ADARB2: variants seen among roughly 807,000 people sequenced by gnomAD.
ADARB2 encodes the protein adenosine deaminase RNA specific B2 (inactive), also known as inactive double-stranded RNA-specific editase B2.
ADARB2 carries 25 observed loss-of-function variants against 62.2 expected under a neutral mutation model. The observed-to-expected ratio is 0.40, with a 90% confidence interval of 0.29 to 0.56. ADARB2 has a LOEUF of 0.56. Among genes scored for constraint, ADARB2 ranks in the 20% least tolerant of loss-of-function variants. The pLI, the probability that ADARB2 is intolerant of heterozygous loss-of-function variation, is 0.43. For synonymous variants in ADARB2, 572 were observed against 500.8 expected, an observed-to-expected ratio of 1.14 and a Z score of -1.90; for missense variants, 1,071 against 1,077.4, an observed-to-expected ratio of 0.99 and a Z score of 0.08.
chr10:1,360,194 G>A (rs71491373), intron 3 of ADARB2, among the ~76,000 whole-genome samples: 7,389 of 152,354 alleles, frequency 0.048, 214 homozygotes, highest in South Asian at 0.11. Context: ...CATCGTCCCA[G>A]CAGGAGGCGC....
At chr10:1,212,353 G>A (rs1837165833) in intron 7 of ADARB2, among the ~76,000 whole-genome samples, 1 of 152,240 alleles carries the variant, frequency 6.6e-6, no homozygotes, top group Admixed American at 6.5e-5. Context: ...GGCAAGTGCG[G>A]CGCAATTCTG....
intron 1 of ADARB2, among the ~76,000 whole-genome samples, chr10:1,423,714 A>ATGTATGCAGTAAGATCACTG (rs1832870342): frequency 1.3e-5 from 2 of 151,892 alleles, no homozygotes; most frequent in African/African-American, 2.4e-5. Context: ...TAGGTCCACT[A>ATGTATGCAGTAAGATCACTG]TGTATGCAGT....
At chr10:1,713,808 G>A (rs536395703) in intron 1 of ADARB2, among the ~76,000 whole-genome samples, 1 of 152,304 alleles carries the variant, frequency 6.6e-6, no homozygotes, top group African/African-American at 2.4e-5. Context: ...TGTATTGCAT[G>A]TCCTCACTTC....
chr10:1,728,552 G>A (rs1835194286), intron 1 of ADARB2, among the ~76,000 whole-genome samples: 1 of 152,118 alleles, frequency 6.6e-6, no homozygotes, highest in Non-Finnish European at 1.5e-5. Context: ...ACACACAAGT[G>A]CACATGTTAA....
rs184489716 is a variant in ADARB2, at chr10:1,624,899, T to G, written c.100+112152A>C. 4.6e-5 allele frequency among the ~76,000 whole-genome samples: 7 copies of G among 152,302 alleles called. No individual in the cohort carries two copies. The East Asian group carries it at 1.3e-3, about 29-fold the overall frequency. On this transcript the variant is annotated intron_variant, in intron 1 of 9. Coordinates refer to ENST00000381312, the MANE Select transcript of ADARB2 (RefSeq NM_018702.4). ...GAATTAAAAAAAACTAAAGGTTAAATTACAGATGATGTTATGCTGCATTTA... is the reference window on the plus strand; with the variant it reads ...GAATTAAAAAAAACTAAAGGTTAAAGTACAGATGATGTTATGCTGCATTTA...
chr10:1,481,447 T>C (rs1831469311), intron 1 of ADARB2, among the ~76,000 whole-genome samples: 1 of 152,210 alleles, frequency 6.6e-6, no homozygotes, highest in Non-Finnish European at 1.5e-5. Context: ...AAGAAGTAGA[T>C]AAATTCTACT....
chr10:1,326,995 TCCC>T (rs1564258002), intron 3 of ADARB2, among the ~76,000 whole-genome samples: 1 of 30,164 alleles, frequency 3.3e-5, no homozygotes, highest in African/African-American at 1.2e-4. Flanking sequence ...GCCCAGCGCC[TCCC>T]CACTGCCCAG....
intron 3 of ADARB2, among the ~76,000 whole-genome samples, chr10:1,320,808 C>T (rs781420507): frequency 5.9e-5 from 9 of 152,004 alleles, no homozygotes; most frequent in Non-Finnish European, 1.2e-4. Flanking sequence ...TACAATGGGC[C>T]GGCAGGCAAA....
chr10:1,646,947 G>A (rs183085783), intron 1 of ADARB2, among the ~76,000 whole-genome samples: 1 of 152,238 alleles, frequency 6.6e-6, no homozygotes, highest in African/African-American at 2.4e-5. Flanking sequence ...AAATAAGGTG[G>A]CTGTCAGTGA....
intron 1 of ADARB2, among the ~76,000 whole-genome samples, chr10:1,599,864 A>G (rs1386471769): frequency 6.6e-6 from 1 of 152,024 alleles, no homozygotes; most frequent in African/African-American, 2.4e-5. Flanking sequence ...CTCCTACCTC[A>G]GCCTCCCAAG....
chr10:1,678,384 CTGAGTGTCCTTGGGG>C (rs1171310923), intron 1 of ADARB2: 1 of 967,752 alleles, frequency 1.0e-6, no homozygotes, highest in South Asian at 4.8e-5. Flanking sequence ...CATCCTCGGG[CTGAGTGTCCTTGGGG>C]TGAGCGTCTG....
chr10:1,326,296 T>C (rs532731451), intron 3 of ADARB2, among the ~76,000 whole-genome samples: 6 of 152,340 alleles, frequency 3.9e-5, no homozygotes, highest in Middle Eastern at 3.4e-3. Context: ...GGTAACTGAC[T>C]GAGTCCCTCA....
At chr10:1,572,170 TGCAGGCGAGTAG>T (rs1684491456) in intron 1 of ADARB2, among the ~76,000 whole-genome samples, 2 of 140,584 alleles carry the variant, frequency 1.4e-5, no homozygotes, top group Non-Finnish European at 3.1e-5. Flanking sequence ...CAGGTGAGTG[TGCAGGCGAGTAG>T]GCAGGTGAGT....
chr10:1,536,816 A>C (rs554742786), intron 1 of ADARB2, among the ~76,000 whole-genome samples: 151 of 152,370 alleles, frequency 9.9e-4, no homozygotes, highest in African/African-American at 3.6e-3. Context: ...TTAACTTAAG[A>C]TGGATTAAAG....
At chr10:1,196,802 A>C (rs377012046) in intron 8 of ADARB2, among the ~76,000 whole-genome samples, 3 of 152,016 alleles carry the variant, frequency 2.0e-5, no homozygotes, top group Non-Finnish European at 4.4e-5. Flanking sequence ...GGGTCTGGCT[A>C]TGTTGGCCAG....
At chr10:1,574,752 C>A (rs58834753) in intron 1 of ADARB2, among the ~76,000 whole-genome samples, 43,252 of 151,970 alleles carry the variant, frequency 0.28, 6,317 homozygotes, top group South Asian at 0.34. Context: ...AAAGACCCCA[C>A]CTCCAAACCC....
At chr10:1,440,015 A>C (rs1185103561) in intron 1 of ADARB2, among the ~76,000 whole-genome samples, 1 of 149,252 alleles carries the variant, frequency 6.7e-6, no homozygotes, top group East Asian at 2.0e-4. Context: ...GGACTGAGGC[A>C]GGTCCTTCAT....
At chr10:1,608,794 A>G (rs936941439) in intron 1 of ADARB2, among the ~76,000 whole-genome samples, 9 of 150,478 alleles carry the variant, frequency 6.0e-5, no homozygotes, top group African/African-American at 2.4e-5. Flanking sequence ...GAAAGAAAGA[A>G]AGAAAAGCAA....
intron 1 of ADARB2, among the ~76,000 whole-genome samples, chr10:1,607,308 C>A (rs997851001): frequency 4.6e-5 from 7 of 152,148 alleles, no homozygotes; most frequent in Non-Finnish European, 7.3e-5. Context: ...AGAGAGGACC[C>A]GGTTCTCTGT....
Sources: gnomAD v4.1 joint callset for allele counts (sites outside exome capture counted in the v4.1 genomes callset) on GRCh38, gnomAD v4.1.1 for gene constraint, MANE v1.5 for transcripts, NCBI Gene and HGNC (gene_info 2026-07-23, HGNC 2026-07-21) for gene names.